The following MYPN variants were observed in gnomAD, a reference collection of about 807,000 sequenced individuals.
MYPN encodes the protein sarcomeric protein myopalladin, 145 kDa (MYOP).
Under a neutral mutation model 129.4 loss-of-function variants are expected in MYPN, and 63 were observed. The ratio of observed to expected loss-of-function variants is 0.49; its 90% CI spans 0.40 to 0.60. MYPN has a LOEUF of 0.60. Ranked by LOEUF, MYPN falls within the 20% of genes least tolerant of loss-of-function variation. MYPN has a pLI of 0.00. For missense variants in MYPN, 1,596 were observed against 1,635.4 expected, an observed-to-expected ratio of 0.98 and a Z score of 0.42; for synonymous variants, 629 against 600.9, an observed-to-expected ratio of 1.05 and a Z score of -0.68.
At chr10:68,178,140 C>A (rs565742817) in intron 12 of MYPN, among the ~76,000 whole-genome samples, 2 of 152,300 alleles carry the variant, frequency 1.3e-5, no homozygotes, top group Non-Finnish European at 2.9e-5. Context: ...TACGTATTTA[C>A]AATTAGCAAG....
intron 2 of MYPN, among the ~76,000 whole-genome samples, chr10:68,138,555 T>A (rs1003501189): frequency 2.0e-5 from 3 of 152,152 alleles, no homozygotes; most frequent in Non-Finnish European, 4.4e-5. Flanking sequence ...GCACCATCAG[T>A]GTAAATGTCA....
At chr10:68,182,419 TATATATAACACATATATATAAC>T (rs2043343775) in intron 12 of MYPN, among the ~76,000 whole-genome samples, 1 of 96,392 alleles carries the variant, frequency 1.0e-5, no homozygotes, top group Non-Finnish European at 2.4e-5. Flanking sequence ...ATATATAACA[TATATATAACACATATATATAAC>T]ATATATATAA....
intron 10 of MYPN, among the ~76,000 whole-genome samples, chr10:68,173,765 C>T (rs2043179123): frequency 1.3e-5 from 2 of 151,678 alleles, no homozygotes; most frequent in South Asian, 4.2e-4. Context: ...CCTCCCACCA[C>T]AGCCTCCTGA....
At chr10:68,176,367 C>G (rs1259397751) in intron 12 of MYPN, among the ~76,000 whole-genome samples, 1 of 152,150 alleles carries the variant, frequency 6.6e-6, no homozygotes, top group African/African-American at 2.4e-5. Context: ...TTATAATAAT[C>G]TAACTCTTGG....
intron 8 of MYPN, among the ~76,000 whole-genome samples, chr10:68,162,508 C>A (rs946756528): frequency 6.6e-6 from 1 of 152,180 alleles, no homozygotes; most frequent in Non-Finnish European, 1.5e-5. Flanking sequence ...GATACTACGA[C>A]GAGATACAAG....
chr10:68,168,571 G>A (rs2043089609), intron 10 of MYPN, among the ~76,000 whole-genome samples: 1 of 152,148 alleles, frequency 6.6e-6, no homozygotes, highest in Non-Finnish European at 1.5e-5. Context: ...GACAAGAATT[G>A]CAGGTAAAAT....
At chr10:68,112,860 A>T (rs1180640009) in intron 1 of MYPN, among the ~76,000 whole-genome samples, 1 of 152,212 alleles carries the variant, frequency 6.6e-6, no homozygotes. Flanking sequence ...ATATTGTAAT[A>T]GTGTACCAAG....
chr10:68,136,799 A>C, intron 2 of MYPN: 2 of 1,448,478 alleles, frequency 1.4e-6, no homozygotes, highest in Non-Finnish European at 1.9e-6. Flanking sequence ...GGAAAGTATT[A>C]GTTTTGAAAT....
chr10:68,133,671 G>A (rs557859054), intron 2 of MYPN, among the ~76,000 whole-genome samples: 1 of 152,022 alleles, frequency 6.6e-6, no homozygotes, highest in Non-Finnish European at 1.5e-5. Flanking sequence ...AGCGAGAGGG[G>A]GCCCAGGGCA....
chr10:68,136,344 C>G (rs915928321), intron 2 of MYPN: 2 of 910,932 alleles, frequency 2.2e-6, no homozygotes, highest in Admixed American at 5.4e-5. Context: ...ATGAATCATG[C>G]CTGGCACCTA....
At chr10:68,203,718 C>CAGAG (rs1338807696) in intron 18 of MYPN, among the ~76,000 whole-genome samples, 8 of 69,348 alleles carry the variant, frequency 1.2e-4, no homozygotes, top group Non-Finnish European at 2.3e-4. Context: ...CACATACACA[C>CAGAG]ACAGAGAGAG....
chr10:68,099,872 A>G (rs1365402208), intron 1 of MYPN, among the ~76,000 whole-genome samples: 1 of 152,080 alleles, frequency 6.6e-6, no homozygotes, highest in East Asian at 1.9e-4. Context: ...TTTTTTTCCA[A>G]ATAGATTCCT....
chr10:68,093,320 A>G (rs1313761912), intron 1 of MYPN, among the ~76,000 whole-genome samples: 1 of 152,172 alleles, frequency 6.6e-6, no homozygotes, highest in African/African-American at 2.4e-5. Flanking sequence ...TGACAAAACC[A>G]TGGCTCTAAA....
chr10:68,172,056 CAT>C (rs574081674), intron 10 of MYPN, among the ~76,000 whole-genome samples: 1 of 152,168 alleles, frequency 6.6e-6, no homozygotes, highest in Non-Finnish European at 1.5e-5. Flanking sequence ...AAAAGCAACA[CAT>C]ATTTCCAAAG....
rs876657919 is a variant in MYPN at position 68,121,492 on chromosome 10, G to C, written c.54G>C (p.Glu18Asp). Residue 18 changes from glutamate to aspartate, a missense_variant, in exon 2 of 20, where the codon GAG (glutamate) becomes GAC (aspartate). Transcript: ENST00000358913. ...ASTSISQLLR[E>D]SYLAETRHRG... is the part of the protein sequence containing the mutation. ...CTTCCATATCTCAGCTTCTAAGAGA[G>C]AGCTATTTAGCTGAAACCAGACATC... 1.9e-6 allele frequency: 3 copies of C among 1,614,130 alleles called. No homozygotes were observed. Among genetic ancestry groups the C allele is most frequent in the Non-Finnish European group, 8.5e-7 (1 of 1,179,974 alleles).
rs766094428 is a variant in MYPN, at chr10:68,210,436, T to C, written c.3944T>C (p.Val1315Ala). ...MVYSCSSRSV[V>A]ESDEL ...TATTCATGCTCTTCTCGGAGTGTAG[T>C]GGAGAGTGATGAACTTTAAGAATGT... The change falls in exon 20 of 20, where the codon GTG (valine) becomes GCG (alanine). Residue 1315 changes from valine to alanine, a missense_variant. Coordinates refer to ENST00000358913, the MANE Select transcript of MYPN (RefSeq NM_032578.4). The C allele has an allele frequency of 5.0e-6, 8 of 1,613,892 alleles. No individual in the cohort carries two copies. The African/African-American group carries it at 6.7e-5, about 13-fold the overall frequency.
At chr10:68,203,211 A>C (rs1299305450) in intron 18 of MYPN, among the ~76,000 whole-genome samples, 5 of 152,102 alleles carry the variant, frequency 3.3e-5, no homozygotes, top group Non-Finnish European at 7.4e-5. Flanking sequence ...GGAAAGCCTA[A>C]GACTCAGAGA....
intron 12 of MYPN, among the ~76,000 whole-genome samples, chr10:68,177,055 C>G (rs982980870): frequency 2.0e-5 from 3 of 152,204 alleles, no homozygotes; most frequent in Non-Finnish European, 4.4e-5. Context: ...AAAAACAATG[C>G]TAGCTTGCAC....
chr10:68,144,224 T>C (rs2042625296), intron 3 of MYPN, among the ~76,000 whole-genome samples: 1 of 152,238 alleles, frequency 6.6e-6, no homozygotes, highest in Non-Finnish European at 1.5e-5. Context: ...TGTATCTACC[T>C]ATATTTGCAT....
Sources: gnomAD v4.1 joint callset for allele counts (sites outside exome capture counted in the v4.1 genomes callset) on GRCh38, gnomAD v4.1.1 for gene constraint, MANE v1.5 for transcripts, NCBI Gene and HGNC (gene_info 2026-07-23, HGNC 2026-07-21) for gene names.